MED13L: variants seen among roughly 807,000 people sequenced by gnomAD.
MED13L encodes mediator complex subunit 13L, also known as mediator of RNA polymerase II transcription subunit 13-like.
MED13L carries 7 observed loss-of-function variants against 220.9 expected under a neutral mutation model. The observed-to-expected ratio is 0.03, with a 90% CI of 0.02 to 0.06. The LOEUF (loss-of-function observed/expected upper bound fraction) is 0.06. Ranked by LOEUF, MED13L falls within the 10% of genes least tolerant of loss-of-function variation. MED13L has a pLI of 1.00. For missense variants in MED13L, 1,965 were observed against 2,760.5 expected, an observed-to-expected ratio of 0.71 and a Z score of 6.46; for synonymous variants, 1,011 against 1,015.2, an observed-to-expected ratio of 1.00 and a Z score of 0.08.
chr12:116,158,104 C>A (rs1878582350), intron 2 of MED13L, among the ~76,000 whole-genome samples: 1 of 151,122 alleles, frequency 6.6e-6, no homozygotes, highest in Non-Finnish European at 1.5e-5. Flanking sequence ...GGATCCAGAA[C>A]CCAAACAGGA....
intron 2 of MED13L, among the ~76,000 whole-genome samples, chr12:116,197,355 A>C (rs967296334): frequency 3.9e-5 from 6 of 152,080 alleles, no homozygotes; most frequent in Admixed American, 2.0e-4. Context: ...AAGGAACTCT[A>C]TCTCTGTTCT....
At chr12:116,103,603 A>G (rs961083895) in intron 3 of MED13L, among the ~76,000 whole-genome samples, 2 of 152,204 alleles carry the variant, frequency 1.3e-5, no homozygotes, top group African/African-American at 2.4e-5. Flanking sequence ...TGTTTTTTAA[A>G]TTTAAAGTCT....
Position 116,100,501 on chromosome 12 carries a change from G to A in MED13L, c.396-3749C>T, listed in dbSNP as rs1872979361. 2.6e-5 allele frequency among the ~76,000 whole-genome samples: 4 copies of A among 151,158 alleles called. No individual in the cohort carries two copies. The South Asian group carries it at 8.4e-4, about 32-fold the overall frequency. Reference sequence around the variant, plus strand: ...TGTAATCCCACCTACTCGGGAGGCTGGAGCAAGAGAATCGCTTGAACCCAG... The same window carrying A: ...TGTAATCCCACCTACTCGGGAGGCTAGAGCAAGAGAATCGCTTGAACCCAG... On this transcript the variant is annotated intron_variant, in intron 3 of 30. Coordinates refer to ENST00000281928, the MANE Select transcript of MED13L (RefSeq NM_015335.5).
At chr12:116,254,358 T>C (rs1871850448) in intron 1 of MED13L, among the ~76,000 whole-genome samples, 1 of 152,152 alleles carries the variant, frequency 6.6e-6, no homozygotes, top group African/African-American at 2.4e-5. Context: ...CAAAAAAAGC[T>C]ACTACAACTA....
At chr12:115,996,747 A>T in intron 15 of MED13L, 66 bp from the exon 16 acceptor site, 1 of 1,404,514 alleles carries the variant, frequency 7.1e-7, no homozygotes. Flanking sequence ...ACAGTGGCAT[A>T]GTGCTATCAT....
intron 2 of MED13L, chr12:116,232,176 A>G (rs895809042): frequency 3.1e-6 from 3 of 972,320 alleles, no homozygotes; most frequent in Non-Finnish European, 3.7e-6. Context: ...AGAAAAAGCA[A>G]TATTTATGTC....
chr12:115,974,226 C>A (rs1254979120), intron 25 of MED13L, among the ~76,000 whole-genome samples: 2 of 152,176 alleles, frequency 1.3e-5, no homozygotes, highest in Non-Finnish European at 1.5e-5. Context: ...ATCTGGCCTG[C>A]AAAGCTGAAA....
intron 7 of MED13L, among the ~76,000 whole-genome samples, chr12:116,018,911 AC>A (rs1879889223): frequency 1.5e-5 from 2 of 135,838 alleles, no homozygotes; most frequent in Admixed American, 7.2e-5. Context: ...AAAAAAAAAA[AC>A]AAAAAAAAAC....
intron 4 of MED13L, among the ~76,000 whole-genome samples, chr12:116,094,960 A>G (rs945503546): frequency 5.3e-5 from 8 of 152,198 alleles, no homozygotes; most frequent in African/African-American, 1.9e-4. Flanking sequence ...CTTTGAGCTC[A>G]GGAGTTCAAG....
chr12:116,073,075 C>A (rs1870505989), intron 4 of MED13L, among the ~76,000 whole-genome samples: 1 of 151,968 alleles, frequency 6.6e-6, no homozygotes, highest in African/African-American at 2.4e-5. Context: ...TATTAGAGAC[C>A]ATTCATTGTG....
At chr12:116,142,637 G>A (rs549363168) in intron 2 of MED13L, among the ~76,000 whole-genome samples, 10 of 152,190 alleles carry the variant, frequency 6.6e-5, no homozygotes, top group East Asian at 1.9e-4. Flanking sequence ...GCAGCAGGCC[G>A]ATATTGCGCC....
At chr12:116,071,757 C>T (rs773175909) in intron 4 of MED13L, among the ~76,000 whole-genome samples, 4 of 152,076 alleles carry the variant, frequency 2.6e-5, no homozygotes, top group Non-Finnish European at 4.4e-5. Context: ...GTATATGCAC[C>T]GTAACTGATT....
intron 2 of MED13L, among the ~76,000 whole-genome samples, chr12:116,123,680 T>C (rs894640462): frequency 1.3e-5 from 2 of 152,130 alleles, no homozygotes; most frequent in African/African-American, 4.8e-5. Flanking sequence ...CTGCTATTAC[T>C]ATGAGTAATC....
chr12:116,057,726 T>C (rs1181138462), intron 4 of MED13L, among the ~76,000 whole-genome samples: 1 of 151,924 alleles, frequency 6.6e-6, no homozygotes, highest in Non-Finnish European at 1.5e-5. Flanking sequence ...CTGGCAAAAT[T>C]TGATGGTTTC....
At chr12:116,074,370 G>C (rs770805434) in intron 4 of MED13L, among the ~76,000 whole-genome samples, 5 of 152,186 alleles carry the variant, frequency 3.3e-5, no homozygotes, top group Non-Finnish European at 7.4e-5. Context: ...ACTCTAGCCT[G>C]GGCGACAGAG....
At chr12:116,212,111 A>C (rs370515175) in intron 2 of MED13L, among the ~76,000 whole-genome samples, 1 of 152,200 alleles carries the variant, frequency 6.6e-6, no homozygotes, top group Non-Finnish European at 1.5e-5. Flanking sequence ...AAACTGCAAA[A>C]GTGAAATAAC....
At chr12:116,165,398 T>C (rs1879183964) in intron 2 of MED13L, among the ~76,000 whole-genome samples, 1 of 151,708 alleles carries the variant, frequency 6.6e-6, no homozygotes, top group Non-Finnish European at 1.5e-5. Context: ...TGGCACGATC[T>C]TAGCTCACTG....
chr12:116,079,040 T>C (rs1871031269), intron 4 of MED13L, among the ~76,000 whole-genome samples: 1 of 152,210 alleles, frequency 6.6e-6, no homozygotes, highest in East Asian at 1.9e-4. Flanking sequence ...ACAACACAGC[T>C]GTATTCACTT....
rs529977591 is a variant in MED13L, at chr12:116,151,305, T to C, written c.311-39793A>G. On this transcript the variant is annotated intron_variant, in intron 2 of 30. Transcript: ENST00000281928. ...TGGTTGAGATCAAAGACATCTTAAGTTACTATAGAAATGTCAGAACTGTTA... is the reference window on the plus strand; with the variant it reads ...TGGTTGAGATCAAAGACATCTTAAGCTACTATAGAAATGTCAGAACTGTTA... 1.5e-3 allele frequency among the ~76,000 whole-genome samples: 231 copies of C among 152,282 alleles called. 2 individuals carry two copies. Among genetic ancestry groups the C allele is most frequent in the African/African-American group, 5.3e-3 (219 of 41,542 alleles).
Sources: allele counts gnomAD v4.1 joint callset (sites outside exome capture counted in the v4.1 genomes callset), GRCh38; gene constraint gnomAD v4.1.1; transcripts MANE v1.5; gene names NCBI Gene and HGNC (gene_info 2026-07-23, HGNC 2026-07-21).